The following STIM1 variants were observed in gnomAD, a reference collection of about 807,000 sequenced individuals.
STIM1 encodes stromal interaction molecule 1.
In STIM1, 25 loss-of-function variants were observed where a neutral mutation model predicts 74.7. That is an observed-to-expected ratio of 0.33 (90% CI 0.24 to 0.47). STIM1 has a LOEUF of 0.47. Among genes scored for constraint, STIM1 ranks in the 20% least tolerant of loss-of-function variants. The pLI is 1.00. For synonymous variants in STIM1, 328 were observed against 348.8 expected (o/e 0.94, Z 0.66); for missense variants, 728 against 920.8 (o/e 0.79, Z 2.71).
rs2092601430 is a variant in STIM1, at chr11:3,913,793, C to G, written c.140-53759C>G. Among the ~76,000 whole-genome samples the G allele has an allele frequency of 2.6e-5, 4 of 152,254 alleles. No homozygotes were observed. In the South Asian group the frequency reaches 8.3e-4, roughly 32 times the overall value. ...CCCTTACCTATTAAGCAGTTTCTCC[C>G]TATTTTCCGCTCCCGCTGGCAGCCA... On this transcript the variant is annotated intron_variant, in intron 1 of 12. Coordinates refer to ENST00000526596, the MANE Select transcript of STIM1 (RefSeq NM_001382567.1).
chr11:4,023,987 G>T lies in STIM1; in HGVS notation c.385G>T (p.Val129Leu), dbSNP rs762526578. 1.9e-6 allele frequency: 3 copies of T among 1,612,714 alleles called. No individual in the cohort carries two copies. In the South Asian group the frequency reaches 3.3e-5, roughly 18 times the overall value. ...DLWKAWKSSE[V>L]YNWTVDEVVQ... Reference sequence around the variant, plus strand: ...GTGGAAGGCATGGAAGTCATCAGAAGGTAATAGGCAGCCTGGTCATCAATC... The same window carrying T: ...GTGGAAGGCATGGAAGTCATCAGAATGTAATAGGCAGCCTGGTCATCAATC... Residue 129 changes from valine to leucine, a missense_variant and splice_region_variant, in exon 3 of 13, where the codon GTA becomes TTA. Val to Leu is a conservative substitution (Grantham distance 32). Coordinates refer to ENST00000526596, the MANE Select transcript of STIM1 (RefSeq NM_001382567.1).
chr11:3,856,381 G>A lies in STIM1; in HGVS notation c.111G>A (p.Gly37=), dbSNP rs201909794. The A allele has an allele frequency of 1.3e-4, 215 of 1,614,150 alleles. 2 individuals are homozygous for A. In the South Asian group the frequency reaches 2.1e-3, roughly 16 times the overall value. ...HSEKATGTSS[G]ANSEESTAAE... is the part of the protein sequence containing the mutation. ...AGAAGGCGACAGGAACCAGCTCGGGGGCCAACTCTGAGGAGTCCACTGCAG... is the reference window on the plus strand; with the variant it reads ...AGAAGGCGACAGGAACCAGCTCGGGAGCCAACTCTGAGGAGTCCACTGCAG... Residue 37 remains glycine, a synonymous_variant, in exon 1 of 13, where the codon GGG becomes GGA. Coordinates refer to ENST00000526596, the MANE Select transcript of STIM1 (RefSeq NM_001382567.1).
chr11:4,086,697 CACCATCACCACT>C, intron 12 of STIM1, 154 bp downstream of exon 12: 1 of 1,539,788 alleles, frequency 6.5e-7, no homozygotes, highest in Non-Finnish European at 8.7e-7. Flanking sequence ...CTTCCATCAC[CACCATCACCACT>C]ACCACCACCA....
At position 4,091,771 on chromosome 11, in the gene STIM1, A is replaced by T. The variant is rs1346205421; in HGVS notation, c.2124A>T (p.Lys708Asn). Residue 708 changes from lysine (K) to asparagine (N), a missense_variant, in exon 13 of 13, where the codon AAA (lysine) becomes AAT (asparagine). Lys to Asn is a moderately conservative substitution (Grantham distance 94). Around this residue, in one of 5 missense-constraint regions of STIM1, gnomAD observed 352 missense variants for 370.1 expected, o/e 0.95. Coordinates refer to ENST00000526596, the MANE Select transcript of STIM1 (RefSeq NM_001382567.1). ...SSPGRKKFPL[K>N]IFKKPLKK ...CAGGCCGGAAGAAGTTTCCCCTCAA[A>T]ATCTTTAAGAAGCCTCTTAAGAAGT... The T allele has an allele frequency of 1.2e-6, 2 of 1,607,960 alleles. No individual in the cohort carries two copies. The highest frequency in any genetic ancestry group is 1.7e-6 in the Non-Finnish European group (2 of 1,180,002).
chr11:3,901,472 A>G (rs931187642), intron 1 of STIM1, among the ~76,000 whole-genome samples: 2 of 152,202 alleles, frequency 1.3e-5, no homozygotes, highest in Non-Finnish European at 2.9e-5. Context: ...TTGGAGAAGT[A>G]GTATGGCCAG....
intron 2 of STIM1, among the ~76,000 whole-genome samples, chr11:4,004,414 C>T (rs963033311): frequency 4.0e-5 from 6 of 151,412 alleles, no homozygotes; most frequent in African/African-American, 1.5e-4. Flanking sequence ...CAGAACAGAG[C>T]CCTCAGAAAT....
At chr11:4,019,863 C>T (rs1190663512) in intron 2 of STIM1, among the ~76,000 whole-genome samples, 3 of 152,092 alleles carry the variant, frequency 2.0e-5, no homozygotes, top group Non-Finnish European at 4.4e-5. Flanking sequence ...TAAAATCACC[C>T]TACTGTGCAA....
At chr11:3,917,724 G>A (rs896398375) in intron 1 of STIM1, among the ~76,000 whole-genome samples, 8 of 152,086 alleles carry the variant, frequency 5.3e-5, no homozygotes, top group South Asian at 4.1e-4. Context: ...GTGAGCCACC[G>A]TACCCAGCCT....
intron 1 of STIM1, among the ~76,000 whole-genome samples, chr11:3,901,701 C>T (rs1321635168): frequency 1.3e-5 from 2 of 152,250 alleles, no homozygotes; most frequent in Non-Finnish European, 2.9e-5. Flanking sequence ...GGTTATGTCT[C>T]AGACTCAGTG....
intron 1 of STIM1, among the ~76,000 whole-genome samples, chr11:3,951,748 C>G (rs2093151215): frequency 6.6e-6 from 1 of 152,116 alleles, no homozygotes; most frequent in South Asian, 2.1e-4. Context: ...GTGCCCACTC[C>G]AACACTTTCA....
At chr11:3,914,014 A>G (rs894018666) in intron 1 of STIM1, among the ~76,000 whole-genome samples, 20 of 152,256 alleles carry the variant, frequency 1.3e-4, no homozygotes, top group African/African-American at 4.3e-4. Context: ...ATTGATAAGT[A>G]TACAATTTAA....
intron 1 of STIM1, among the ~76,000 whole-genome samples, chr11:3,914,710 G>T (rs1047231700): frequency 8.5e-5 from 13 of 152,326 alleles, no homozygotes; most frequent in African/African-American, 2.9e-4. Context: ...AAAGTGCTGG[G>T]ACTACAGGCG....
At chr11:3,955,468 G>A (rs1469933432) in intron 1 of STIM1, among the ~76,000 whole-genome samples, 1 of 152,198 alleles carries the variant, frequency 6.6e-6, no homozygotes, top group Non-Finnish European at 1.5e-5. Context: ...GGTTACTGTG[G>A]GGTATGGTTA....
At chr11:3,907,766 C>T (rs773859975) in intron 1 of STIM1, among the ~76,000 whole-genome samples, 2 of 152,114 alleles carry the variant, frequency 1.3e-5, no homozygotes, top group Non-Finnish European at 1.5e-5. Flanking sequence ...ACTGTCTTAG[C>T]CTCATTTCCT....
At chr11:4,057,869 C>CA (rs530122383) in intron 4 of STIM1, among the ~76,000 whole-genome samples, 942 of 58,204 alleles carry the variant, frequency 0.016, 7 homozygotes, top group African/African-American at 0.04. Context: ...GACTCCGTCT[C>CA]AAAAAAAAAA....
intron 1 of STIM1, among the ~76,000 whole-genome samples, chr11:3,865,612 C>G (rs2090824961): frequency 6.6e-6 from 1 of 152,178 alleles, no homozygotes; most frequent in Non-Finnish European, 1.5e-5. Flanking sequence ...CTATACCACT[C>G]TCTTGACAAT....
chr11:4,011,522 T>G (rs2093835943), intron 2 of STIM1, among the ~76,000 whole-genome samples: 1 of 152,232 alleles, frequency 6.6e-6, no homozygotes, highest in African/African-American at 2.4e-5. Context: ...ATAAATGTCT[T>G]CTTTTGAGAA....
chr11:4,002,623 C>A (rs1472812596), intron 2 of STIM1, among the ~76,000 whole-genome samples: 1 of 149,362 alleles, frequency 6.7e-6, no homozygotes, highest in Non-Finnish European at 1.5e-5. Flanking sequence ...TAAATGCCCA[C>A]AAGAGAAAGC....
chr11:3,927,099 T>C (rs942392141), intron 1 of STIM1, among the ~76,000 whole-genome samples: 2 of 152,228 alleles, frequency 1.3e-5, no homozygotes, highest in African/African-American at 2.4e-5. Flanking sequence ...TATGAAGAGC[T>C]CAATGAATGT....
Sources: gnomAD v4.1 joint callset for allele counts (sites outside exome capture counted in the v4.1 genomes callset) on GRCh38, gnomAD v4.1.1 for gene constraint, gnomAD v4.1.1 regional missense constraint, MANE v1.5 for transcripts, NCBI Gene and HGNC (gene_info 2026-07-23, HGNC 2026-07-21) for gene names.